Variants in ABCA4 observed in about 807,000 individuals in gnomAD.
The protein encoded by ABCA4 is ATP binding cassette subfamily A member 4, also known as retinal-specific phospholipid-transporting ATPase ABCA4.
ABCA4 carries 196 observed loss-of-function variants against 263.7 expected under a neutral mutation model. That is an observed-to-expected ratio of 0.74 (90% CI 0.66 to 0.84). The LOEUF (loss-of-function observed/expected upper bound fraction) is 0.84. Among genes scored for constraint, ABCA4 ranks in the 40% least tolerant of loss-of-function variants. The probability of loss-of-function intolerance (pLI) is 0.00; values close to 1 mark genes in which losing one functional copy is unlikely to be tolerated. For synonymous variants in ABCA4, 1,133 were observed against 1,094.2 expected, an observed-to-expected ratio of 1.04 and a Z score of -0.70; for missense variants, 2,792 against 2,855.1, an observed-to-expected ratio of 0.98 and a Z score of 0.50.
intron 15 of ABCA4, among the ~76,000 whole-genome samples, chr1:94,055,530 A>G (rs1660952149): frequency 6.6e-6 from 1 of 152,138 alleles, no homozygotes; most frequent in Non-Finnish European, 1.5e-5. Flanking sequence ...CTAGCTATAC[A>G]GTCACAAAAA....
In ABCA4 at chr1:94,042,804, G is replaced by A. The variant is rs570745701; in HGVS notation, c.3285C>T (p.Tyr1095=). 155 of 1,614,114 alleles carry A rather than the reference G, an allele frequency of 9.6e-5. No homozygotes were observed. Among genetic ancestry groups the A allele is most frequent in the Admixed American group, 3.5e-4 (21 of 60,010 alleles). ...GCAGATCCCAGATTGAGCGTCTCGA[G>A]TAAGGGTCCACCCCAGAGGTGGGTT... is the stretch of plus-strand genomic sequence containing the variant. The part of the protein sequence containing the change: ...LDEPTSGVDP[Y]SRRSIWDLLL... Residue 1095 remains tyrosine (Y), a synonymous_variant, in exon 22 of 50, where the codon TAC becomes TAT. Transcript: ENST00000370225.
rs374664840 is a variant in ABCA4, at chr1:94,021,436, C to T, written c.4849-27G>A. 654 of 1,613,906 alleles carry T rather than the reference C, an allele frequency of 4.1e-4. 2 individuals are homozygous for T. The Middle Eastern group carries it at 9.2e-3, about 23-fold the overall frequency. ...TAGAGGGTGGAGAGGACATCTGAGACGCTGCACTAACAGCTAGTTAAAGCA... is the reference window on the plus strand; with the variant it reads ...TAGAGGGTGGAGAGGACATCTGAGATGCTGCACTAACAGCTAGTTAAAGCA... On this transcript the variant is annotated intron_variant, in intron 34 of 49. Transcript: ENST00000370225.
chr1:94,100,921 T>C (rs1662269324), intron 5 of ABCA4, among the ~76,000 whole-genome samples: 1 of 152,058 alleles, frequency 6.6e-6, no homozygotes, highest in South Asian at 2.1e-4. Context: ...GAGATACAGA[T>C]CAGGAGCTAG....
chr1:94,017,759 A>G (rs1013518253), intron 36 of ABCA4, among the ~76,000 whole-genome samples: 1 of 152,108 alleles, frequency 6.6e-6, no homozygotes, highest in Non-Finnish European at 1.5e-5. Flanking sequence ...AATAAATGAG[A>G]AGGGGCATCT....
chr1:94,111,013 A>T (rs1662585881), intron 3 of ABCA4, among the ~76,000 whole-genome samples: 1 of 152,158 alleles, frequency 6.6e-6, no homozygotes, highest in African/African-American at 2.4e-5. Flanking sequence ...GCTCCCTGAC[A>T]TTTTTCCTAG....
intron 27 of ABCA4, 73 bp from the exon 28 acceptor site, chr1:94,031,193 TTCA>T: frequency 6.3e-7 from 1 of 1,582,746 alleles, no homozygotes; most frequent in South Asian, 1.1e-5. Context: ...CACACACATC[TTCA>T]TTCTTTTAAA....
intron 14 of ABCA4, among the ~76,000 whole-genome samples, chr1:94,057,474 T>C (rs964466968): frequency 3.9e-5 from 6 of 152,022 alleles, no homozygotes; most frequent in Non-Finnish European, 8.8e-5. Flanking sequence ...AAGAGGGAGA[T>C]GGGAGGGAAC....
intron 1 of ABCA4, among the ~76,000 whole-genome samples, chr1:94,116,592 C>T (rs534174970): frequency 6.6e-6 from 1 of 152,096 alleles, no homozygotes; most frequent in African/African-American, 2.4e-5. Flanking sequence ...GCATTTCACG[C>T]GTCACTCCCT....
At chr1:94,093,937 A>C (rs528383455) in intron 6 of ABCA4, among the ~76,000 whole-genome samples, 1 of 152,282 alleles carries the variant, frequency 6.6e-6, no homozygotes, top group East Asian at 1.9e-4. Context: ...CCCCCCAAAA[A>C]CAACAACAAA....
chr1:94,042,729 C>A (rs752583829), intron 22 of ABCA4, 32 bp downstream of exon 22: 12 of 1,614,012 alleles, frequency 7.4e-6, no homozygotes, highest in Non-Finnish European at 9.3e-6. Context: ...GCAGTGAGAG[C>A]CCAGCCCAGG....
At chr1:94,055,553 T>C (rs1660953570) in intron 15 of ABCA4, among the ~76,000 whole-genome samples, 1 of 152,014 alleles carries the variant, frequency 6.6e-6, no homozygotes, top group South Asian at 2.1e-4. Flanking sequence ...ATGAAACAAT[T>C]CTCAGCCCAG....
chr1:94,050,882 G>T (rs1660823785), intron 17 of ABCA4, among the ~76,000 whole-genome samples: 1 of 152,254 alleles, frequency 6.6e-6, no homozygotes. Flanking sequence ...ACAAAGTAAA[G>T]AATAGGTAGG....
chr1:93,995,925 AG>A (rs1282851341), intron 49 of ABCA4, among the ~76,000 whole-genome samples, 183 bp downstream of exon 49: 2 of 152,204 alleles, frequency 1.3e-5, no homozygotes, highest in African/African-American at 4.8e-5. Context: ...CAGAACACAC[AG>A]TGGCAGGGAC....
At position 94,009,102 on chromosome 1, in the gene ABCA4, G is replaced by A. The variant is rs112237724; in HGVS notation, c.5715-231C>T. On this transcript the variant is annotated intron_variant, in intron 40 of 49. Transcript: ENST00000370225. ...TGGGTTCCAGTCCTGGCCTCCTCAT[G>A]TGTGATCTTGGGCATTGGACCTCTC... Among the ~76,000 whole-genome samples, 68 of 152,232 alleles carry A rather than the reference G, an allele frequency of 4.5e-4. 2 individuals are homozygous for A. Among genetic ancestry groups the A allele is most frequent in the African/African-American group, 1.1e-3 (46 of 41,530 alleles).
At chr1:94,006,433 CTG>C (rs1659389095) in intron 43 of ABCA4, among the ~76,000 whole-genome samples, 1 of 152,358 alleles carries the variant, frequency 6.6e-6, no homozygotes, top group African/African-American at 2.4e-5. Context: ...GGATGTCAGA[CTG>C]TGCCTCACTT....
chr1:94,028,930 A>AAAAAAAAT (rs35998587), intron 30 of ABCA4, among the ~76,000 whole-genome samples: 1 of 108,032 alleles, frequency 9.3e-6, no homozygotes, highest in African/African-American at 3.8e-5. Context: ...AAAAAAAAAA[A>AAAAAAAAT]GAAATTCAAA....
At position 94,036,904 on chromosome 1, in the gene ABCA4, A is replaced by T. The variant is rs548339461; in HGVS notation, c.3814-116T>A. 1.1e-4 allele frequency: 118 copies of T among 1,045,592 alleles called. 1 individual carries two copies. The South Asian group carries it at 1.4e-3, about 13-fold the overall frequency. The allele number at this position is 1,045,592 out of a possible 1,614,324, so 64.8% of individuals were successfully genotyped here. ...CATAATGGGAAGAAAATCCATTACGACTCTATCTGAGAACATCATCTTCTA... is the reference window on the plus strand; with the variant it reads ...CATAATGGGAAGAAAATCCATTACGTCTCTATCTGAGAACATCATCTTCTA... On this transcript the variant is annotated intron_variant, in intron 25 of 49. Transcript: ENST00000370225.
At chr1:94,001,367 T>C in intron 45 of ABCA4, 1 of 572,462 alleles carries the variant, frequency 1.7e-6, no homozygotes, top group Non-Finnish European at 3.1e-6. Context: ...ATGACAGAAT[T>C]CTCCTCAAAA....
intron 6 of ABCA4, among the ~76,000 whole-genome samples, chr1:94,094,048 T>A (rs1662049159): frequency 6.6e-6 from 1 of 152,106 alleles, no homozygotes; most frequent in South Asian, 2.1e-4. Context: ...CCCAAAACCC[T>A]TATGGAGAAG....
Sources: gnomAD v4.1 joint callset for allele counts (sites outside exome capture counted in the v4.1 genomes callset) on GRCh38, gnomAD v4.1.1 for gene constraint, MANE v1.5 for transcripts, NCBI Gene and HGNC (gene_info 2026-07-23, HGNC 2026-07-21) for gene names.